Variants in MFSD12 observed in about 807,000 individuals in gnomAD.
MFSD12 encodes major facilitator superfamily domain containing 12, also known as major facilitator superfamily domain-containing protein 12.
MFSD12 carries 67 observed loss-of-function variants against 51.2 expected under a neutral mutation model. That is an observed-to-expected ratio of 1.31 (90% confidence interval 1.08 to 1.60). MFSD12 has a LOEUF of 1.60. Among genes scored for constraint, MFSD12 ranks in the 40% most tolerant of loss-of-function variants. The pLI is 0.00. For synonymous variants in MFSD12, 441 were observed against 316.7 expected, an observed-to-expected ratio of 1.39 and a Z score of -4.17; for missense variants, 921 against 673.0, an observed-to-expected ratio of 1.37 and a Z score of -4.08.
downstream of MFSD12, chr19:3,543,793 G>C: frequency 6.7e-7 from 1 of 1,499,596 alleles, no homozygotes; most frequent in Non-Finnish European, 9.0e-7. Flanking sequence ...ACGGCGAGGA[G>C]GTGGGGGCAC....
At chr19:3,542,792 C>T (rs892938376), downstream of MFSD12, 7 of 1,369,468 alleles carry the variant, frequency 5.1e-6, no homozygotes, top group Non-Finnish European at 6.8e-6. Flanking sequence ...TAGTGGGTCC[C>T]CCAGTCTTCC....
rs372036903 is a variant in MFSD12, at chr19:3,544,666, C to A, written c.*44G>T. The A allele has an allele frequency of 6.4e-7, 1 of 1,558,072 alleles. No homozygotes were observed. The highest frequency in any genetic ancestry group is 1.8e-4 in the Middle Eastern group (1 of 5,492). On this transcript the variant is annotated 3_prime_UTR_variant, in exon 10 of 10. Transcript: ENST00000355415. ...CAAGGCCCTGGGGGGCATCCTCGTG[C>A]GTCCCCACAGTTCCCTTGCACAGGT...
chr19:3,550,552 C>G (rs946267086), intron 2 of MFSD12, among the ~76,000 whole-genome samples: 1 of 152,060 alleles, frequency 6.6e-6, no homozygotes, highest in Non-Finnish European at 1.5e-5. Flanking sequence ...CCACCGCGCC[C>G]GGCTAATTTT....
chr19:3,549,498 C>A (rs1317439281), intron 2 of MFSD12, among the ~76,000 whole-genome samples: 5 of 151,882 alleles, frequency 3.3e-5, no homozygotes, highest in Admixed American at 6.6e-5. Flanking sequence ...CTGAGGCAGG[C>A]AGATCACTGA....
At chr19:3,553,473 G>GAAA (rs59871101) in intron 1 of MFSD12, among the ~76,000 whole-genome samples, 2 of 140,658 alleles carry the variant, frequency 1.4e-5, no homozygotes, top group Non-Finnish European at 3.0e-5. Context: ...ACCCTGTCAA[G>GAAA]AAAAAAAAAA....
Position 3,544,296 on chromosome 19 carries a change from C to G in MFSD12, c.*414G>C, listed in dbSNP as rs182359182. ...GGGGTCCAGGCCCAGCCCACCACCC[C>G]GTGGCTGTCTCCTCCAGGCTCCAGC... is the stretch of plus-strand genomic sequence containing the variant. On this transcript the variant is annotated 3_prime_UTR_variant, in exon 10 of 10. Coordinates refer to ENST00000355415, the MANE Select transcript of MFSD12 (RefSeq NM_174983.5). The G allele has an allele frequency of 5.5e-6, 7 of 1,282,124 alleles. No individual in the cohort carries two copies. The African/African-American group carries it at 1.1e-4, about 19-fold the overall frequency. The allele number at this position is 1,282,124 out of a possible 1,614,324, so 79.4% of individuals were successfully genotyped here.
chr19:3,547,396 G>T (rs2145194640), intron 5 of MFSD12, 32 bp from the exon 6 acceptor site: 2 of 1,612,294 alleles, frequency 1.2e-6, no homozygotes, highest in Non-Finnish European at 1.7e-6. Context: ...TGCCGTGTCA[G>T]TCATGGCTCG....
chr19:3,549,656 G>C (rs948854843), intron 2 of MFSD12, among the ~76,000 whole-genome samples: 1 of 149,464 alleles, frequency 6.7e-6, no homozygotes, highest in Non-Finnish European at 1.5e-5. Flanking sequence ...CCAGGAGGCA[G>C]AGGTTGCAGT....
At chr19:3,543,088 G>C (rs2030564788), downstream of MFSD12, 4 of 1,563,908 alleles carry the variant, frequency 2.6e-6, no homozygotes, top group Non-Finnish European at 3.5e-6. Flanking sequence ...GGGGTACAGG[G>C]CTGAAGGACA....
At chr19:3,539,447 C>T (rs1170418357), downstream of MFSD12, 2 of 580,300 alleles carry the variant, frequency 3.4e-6, no homozygotes, top group South Asian at 4.2e-5. Context: ...ACTGTGGGGG[C>T]TACAGACCTG....
intron 4 of MFSD12, 70 bp from the exon 5 acceptor site, chr19:3,547,617 A>G: frequency 7.0e-7 from 1 of 1,422,904 alleles, no homozygotes; most frequent in Non-Finnish European, 9.7e-7. Flanking sequence ...AGCAGGGGGC[A>G]CCGGGGCCAG....
chr19:3,547,948 T>C lies in MFSD12; in HGVS notation c.737A>G (p.His246Arg), dbSNP rs759062776. The C allele has an allele frequency of 1.1e-5, 17 of 1,593,970 alleles. No homozygotes were observed. Among genetic ancestry groups the C allele is most frequent in the Non-Finnish European group, 1.4e-5 (17 of 1,177,064 alleles). The change falls in exon 4 of 10, where the codon CAT becomes CGT. Residue 246 changes from histidine to arginine, a missense_variant. Coordinates refer to ENST00000355415, the MANE Select transcript of MFSD12 (RefSeq NM_174983.5). ...HLGTRERRRP[H>R]AEEPGEHTPL... Reference sequence around the variant, plus strand: ...GGTGTGCTCGCCTGGCTCCTCCGCATGCGGCCGGCGCCTCTCCCGGGTGCC... The same window carrying C: ...GGTGTGCTCGCCTGGCTCCTCCGCACGCGGCCGGCGCCTCTCCCGGGTGCC...
Position 3,544,485 on chromosome 19 carries a change from T to C in MFSD12, c.*225A>G. 2.0e-5 allele frequency: 27 copies of C among 1,380,412 alleles called. No individual in the cohort carries two copies. The highest frequency in any genetic ancestry group is 2.4e-5 in the Non-Finnish European group (26 of 1,069,060). The allele number at this position is 1,380,412 out of a possible 1,614,324, so 85.5% of individuals were successfully genotyped here. ...AAATCCTCCAGAGGGCTGGGATGGA[T>C]TAGAGTTGAGAATGGGACACCCTCA... is the stretch of plus-strand genomic sequence containing the variant. On this transcript the variant is annotated 3_prime_UTR_variant, in exon 10 of 10. Coordinates refer to ENST00000355415, the MANE Select transcript of MFSD12 (RefSeq NM_174983.5).
At chr19:3,539,063 C>T in intron 4 of MFSD12, 1 of 682,516 alleles carries the variant, frequency 1.5e-6, no homozygotes, top group Non-Finnish European at 2.6e-6. Flanking sequence ...CCACCTCACC[C>T]CGCAGCTGGG....
rs1450311338 is a variant in MFSD12 at position 3,546,380 on chromosome 19, A to T, written c.1069T>A (p.Trp357Arg). The T allele has an allele frequency of 2.5e-6, 4 of 1,608,146 alleles. No homozygotes were observed. Among genetic ancestry groups the T allele is most frequent in the Non-Finnish European group, 3.4e-6 (4 of 1,178,022 alleles). Residue 357 changes from tryptophan (W) to arginine (R), a missense_variant, in exon 7 of 10, where the codon TGG (tryptophan) becomes AGG (arginine). Trp to Arg is a moderately radical substitution (Grantham distance 101). Coordinates refer to ENST00000355415, the MANE Select transcript of MFSD12 (RefSeq NM_174983.5). Reference protein sequence around the residue: ...GLLVILAFAAWVALAEGLGVA... With the variant: ...GLLVILAFAARVALAEGLGVA... ...CCCAGTCCCTCCGCCAGCGCCACCC[A>T]GGCGGCAAAGGCCAGGATCACCAGG...
At chr19:3,539,421 C>G (rs374855790), downstream of MFSD12, 6 of 591,184 alleles carry the variant, frequency 1.0e-5, no homozygotes, top group East Asian at 1.7e-4. Flanking sequence ...TGTTCCCCTC[C>G]GGCCAGTGGC....
chr19:3,545,045 C>T (rs1166511352), intron 8 of MFSD12, 106 bp from the exon 9 acceptor site: 14 of 1,422,420 alleles, frequency 9.8e-6, no homozygotes, highest in Non-Finnish European at 1.3e-5. Flanking sequence ...CCGTCCTGTC[C>T]AATCCAGGAG....
intron 1 of MFSD12, among the ~76,000 whole-genome samples, chr19:3,552,057 C>A (rs1006677375): frequency 1.3e-5 from 2 of 152,208 alleles, no homozygotes; most frequent in Non-Finnish European, 2.9e-5. Flanking sequence ...CCTCACCCTT[C>A]GGAGCACCCG....
At chr19:3,550,120 G>A (rs1599834938) in intron 2 of MFSD12, among the ~76,000 whole-genome samples, 1 of 152,220 alleles carries the variant, frequency 6.6e-6, no homozygotes, top group African/African-American at 2.4e-5. Flanking sequence ...AGGAGGGACC[G>A]CCCCCAGCCT....
Sources: allele counts gnomAD v4.1 joint callset (sites outside exome capture counted in the v4.1 genomes callset), GRCh38; gene constraint gnomAD v4.1.1; transcripts MANE v1.5; gene names NCBI Gene and HGNC (gene_info 2026-07-23, HGNC 2026-07-21).